The following SPATA6 variants were observed in gnomAD, a reference collection of about 807,000 sequenced individuals.
SPATA6 encodes spermatogenesis associated 6, also known as spermatogenesis-associated protein 6.
In SPATA6, 56 loss-of-function variants were observed where a neutral mutation model predicts 65.3. That is an observed-to-expected ratio of 0.86 (90% CI 0.69 to 1.07). SPATA6 has a LOEUF of 1.07. SPATA6 is among the 50% of genes least tolerant of loss of function. SPATA6 has a pLI of 0.00. For missense variants in SPATA6, 590 were observed against 594.8 expected, an observed-to-expected ratio of 0.99 and a Z score of 0.08; for synonymous variants, 199 against 213.2, an observed-to-expected ratio of 0.93 and a Z score of 0.58.
intron 11 of SPATA6, 131 bp from the exon 12 acceptor site, chr1:48,306,009 G>A (rs1230198619): frequency 1.6e-6 from 1 of 632,362 alleles, no homozygotes; most frequent in African/African-American, 1.9e-5. Flanking sequence ...TTAAATGCTA[G>A]TGTTTCTTTG....
At chr1:48,356,462 G>A (rs916395571) in intron 10 of SPATA6, among the ~76,000 whole-genome samples, 2 of 149,080 alleles carry the variant, frequency 1.3e-5, no homozygotes, top group African/African-American at 4.9e-5. Flanking sequence ...GTAAAATGTT[G>A]CTATGTTGCT....
At chr1:48,282,694 A>G in the SPATA6 span, among the ~76,000 whole-genome samples, 3 of 152,298 alleles carry the variant, frequency 2.0e-5, no homozygotes, top group Admixed American at 2.0e-4. Flanking sequence ...CAGGTGCTGG[A>G]GAGGATGTGG....
intron 9 of SPATA6, among the ~76,000 whole-genome samples, chr1:48,377,227 C>T (rs1367046363): frequency 6.6e-6 from 1 of 152,120 alleles, no homozygotes; most frequent in Admixed American, 6.5e-5. Context: ...GCCATGTCAC[C>T]TTGCTATTTA....
chr1:48,434,928 C>CTATTTTATGGCTTTTAATGCCTA (rs1360743378), intron 3 of SPATA6, among the ~76,000 whole-genome samples: 21 of 151,358 alleles, frequency 1.4e-4, no homozygotes, highest in African/African-American at 5.1e-4. Flanking sequence ...TAAAATTGCC[C>CTATTTTATGGCTTTTAATGCCTA]TATTATGGCT....
At chr1:48,381,055 C>A (rs1648513889) in intron 9 of SPATA6, among the ~76,000 whole-genome samples, 1 of 152,140 alleles carries the variant, frequency 6.6e-6, no homozygotes, top group South Asian at 2.1e-4. Flanking sequence ...CTCATATGCA[C>A]AGCACAGTAG....
the SPATA6 span, among the ~76,000 whole-genome samples, chr1:48,282,555 A>G: frequency 6.6e-6 from 1 of 152,244 alleles, no homozygotes; most frequent in Non-Finnish European, 1.5e-5. Flanking sequence ...AAAAGAAGAC[A>G]TTTATGCAGC....
At chr1:48,275,054 C>T in the SPATA6 span, among the ~76,000 whole-genome samples, 6 of 152,154 alleles carry the variant, frequency 3.9e-5, no homozygotes. Context: ...AGGGCCTTCA[C>T]ATTTCTTGTA....
intron 11 of SPATA6, among the ~76,000 whole-genome samples, chr1:48,317,728 G>C (rs542736504): frequency 4.0e-5 from 6 of 151,536 alleles, no homozygotes; most frequent in Admixed American, 6.6e-5. Flanking sequence ...ATGGCTTCAT[G>C]GTGTTATATA....
chr1:48,328,595 G>C (rs1392519142), intron 11 of SPATA6, among the ~76,000 whole-genome samples: 1 of 152,042 alleles, frequency 6.6e-6, no homozygotes, highest in Non-Finnish European at 1.5e-5. Flanking sequence ...TAGGAGTGGA[G>C]GAGAAATGAG....
At chr1:48,294,437 A>G (rs1156668187), downstream of SPATA6, among the ~76,000 whole-genome samples, 1 of 152,170 alleles carries the variant, frequency 6.6e-6, no homozygotes, top group Non-Finnish European at 1.5e-5. Context: ...GAGCCTCCTT[A>G]ATTAGCAAAA....
chr1:48,375,526 A>T (rs1443926258), intron 9 of SPATA6, among the ~76,000 whole-genome samples: 4 of 151,166 alleles, frequency 2.6e-5, no homozygotes, highest in African/African-American at 9.7e-5. Context: ...TTTGTTTTGT[A>T]TTTTTTTTTA....
chr1:48,471,307 T>G (rs1658224703), intron 1 of SPATA6, among the ~76,000 whole-genome samples: 3 of 152,076 alleles, frequency 2.0e-5, no homozygotes. Flanking sequence ...TGGGCCTTTC[T>G]TGCAATGGCT....
chr1:48,381,621 G>A (rs1570387597), intron 9 of SPATA6, among the ~76,000 whole-genome samples: 1 of 139,332 alleles, frequency 7.2e-6, no homozygotes, highest in Non-Finnish European at 1.5e-5. Context: ...CATAAACAAT[G>A]ATATTTTAAG....
chr1:48,421,484 T>C (rs779188024), intron 3 of SPATA6, among the ~76,000 whole-genome samples: 22 of 152,274 alleles, frequency 1.4e-4, no homozygotes, highest in Non-Finnish European at 2.2e-4. Context: ...AGTAGTATTA[T>C]AAGCCACATC....
At chr1:48,378,176 G>A (rs946151459) in intron 9 of SPATA6, among the ~76,000 whole-genome samples, 2 of 152,176 alleles carry the variant, frequency 1.3e-5, no homozygotes, top group African/African-American at 4.8e-5. Context: ...ACCCCAATGA[G>A]TTTACCAGTT....
At position 48,409,175 on chromosome 1, in the gene SPATA6, T is replaced by C. The variant is rs1355197501; in HGVS notation, c.405+2289A>G. Among the ~76,000 whole-genome samples, 3 of 152,052 alleles carry C rather than the reference T, an allele frequency of 2.0e-5. No homozygotes were observed. In the South Asian group the frequency reaches 6.2e-4, roughly 31 times the overall value. ...ATACAACGGGGGTATAGGCATTGAG[T>C]AAATACAACAACTCCAAATGGGAGA... On this transcript the variant is annotated intron_variant, in intron 5 of 12. Coordinates refer to ENST00000371847, the MANE Select transcript of SPATA6 (RefSeq NM_019073.4).
the SPATA6 span, among the ~76,000 whole-genome samples, chr1:48,267,973 G>A: frequency 0.12 from 18,349 of 151,572 alleles, 1,410 homozygotes; most frequent in East Asian, 0.43. Context: ...GGATGGTCTC[G>A]ATCTCCTGAC....
chr1:48,279,921 CAT>C, the SPATA6 span, among the ~76,000 whole-genome samples: 1 of 152,188 alleles, frequency 6.6e-6, no homozygotes, highest in African/African-American at 2.4e-5. Context: ...AAACTGACCA[CAT>C]AGTTGGAAGT....
chr1:48,298,098 T>G lies in SPATA6; in HGVS notation c.*615A>C, dbSNP rs1046114277. 4 of 152,164 alleles carry G rather than the reference T, an allele frequency of 2.6e-5. No homozygotes were observed. Among genetic ancestry groups the G allele is most frequent in the Non-Finnish European group, 5.9e-5 (4 of 68,020 alleles). The allele number at this position is 152,164 out of a possible 1,614,324, so 9.4% of individuals were successfully genotyped here. A position where few individuals can be genotyped will look rare whatever the true frequency, so the allele number is the denominator to read the frequency against. On this transcript the variant is annotated 3_prime_UTR_variant, in exon 13 of 13. Coordinates refer to ENST00000371847, the MANE Select transcript of SPATA6 (RefSeq NM_019073.4). ...CACTGATATTTCTAGCTAACTGCTA[T>G]GCATTTTAAGCAACTTACACAGTTC... is the stretch of plus-strand genomic sequence containing the variant.
Sources: allele counts gnomAD v4.1 joint callset (sites outside exome capture counted in the v4.1 genomes callset), GRCh38; gene constraint gnomAD v4.1.1; transcripts MANE v1.5; gene names NCBI Gene and HGNC (gene_info 2026-07-23, HGNC 2026-07-21).